The following LRRN1 variants were observed in gnomAD, a reference collection of about 807,000 sequenced individuals.
LRRN1 encodes leucine-rich repeat neuronal protein 1.
A neutral mutation model predicts 45.8 loss-of-function variants in LRRN1; 14 were observed. The observed-to-expected ratio is 0.31, with a 90% CI of 0.20 to 0.48. LRRN1 has a LOEUF of 0.48. Ranked by LOEUF, LRRN1 falls within the 20% of genes least tolerant of loss-of-function variation. LRRN1 has a pLI of 0.99. For synonymous variants in LRRN1, 359 were observed against 330.1 expected (o/e 1.09, Z -0.95); for missense variants, 789 against 874.2 (o/e 0.90, Z 1.23).
intron 1 of LRRN1, among the ~76,000 whole-genome samples, chr3:3,813,952 A>G (rs934317636): frequency 3.3e-5 from 5 of 151,942 alleles, no homozygotes; most frequent in Non-Finnish European, 1.5e-5. Flanking sequence ...TTGTTTTGAG[A>G]ACTGCTATCA....
rs1693764013 is a variant in LRRN1, at chr3:3,845,878, G to T, written c.1237G>T (p.Val413Phe). Reference protein sequence around the residue: ...PEYKGHQVKEVLIQDSSEQCL... With the variant: ...PEYKGHQVKEFLIQDSSEQCL... ...ATATAAAGGGCACCAGGTGAAGGAA[G>T]TTTTAATCCAGGATTCGAGTGAACA... Residue 413 changes from valine (V) to phenylalanine (F), a missense_variant, in exon 2 of 2, where the codon GTT (valine) becomes TTT (phenylalanine). Coordinates refer to ENST00000319331, the MANE Select transcript of LRRN1 (RefSeq NM_020873.7). This position sits in a 1 kb window ranked among gnomAD's most constrained non-coding sequence, Gnocchi z 6.5. The T allele has an allele frequency of 5.6e-6, 9 of 1,614,124 alleles. No homozygotes were observed. Among genetic ancestry groups the T allele is most frequent in the Non-Finnish European group, 6.8e-6 (8 of 1,180,012 alleles).
chr3:3,818,813 C>A (rs1273413189), intron 1 of LRRN1, among the ~76,000 whole-genome samples: 3 of 152,140 alleles, frequency 2.0e-5, no homozygotes, highest in African/African-American at 7.2e-5. Context: ...CTCTGTCTCC[C>A]TATCTGTAGG....
intron 1 of LRRN1, among the ~76,000 whole-genome samples, chr3:3,839,998 G>C (rs895622262): frequency 1.6e-4 from 24 of 152,080 alleles, no homozygotes; most frequent in African/African-American, 5.8e-4. Context: ...TGTGACTAGA[G>C]TTTCTAGTAC....
intron 1 of LRRN1, chr3:3,801,371 T>C (rs1341405743): frequency 6.6e-6 from 1 of 152,254 alleles, no homozygotes; most frequent in Non-Finnish European, 1.5e-5. Context: ...CATGTTTTGT[T>C]TTGTCTTGCC....
At chr3:3,835,493 G>A (rs1374979151) in intron 1 of LRRN1, among the ~76,000 whole-genome samples, 1 of 151,880 alleles carries the variant, frequency 6.6e-6, no homozygotes, top group Non-Finnish European at 1.5e-5. Flanking sequence ...TGCACAAAGT[G>A]ACACATCTAG....
At chr3:3,803,322 G>A (rs941267240) in intron 1 of LRRN1, among the ~76,000 whole-genome samples, 5 of 152,172 alleles carry the variant, frequency 3.3e-5, no homozygotes, top group African/African-American at 1.2e-4. Flanking sequence ...AATCAGAATG[G>A]TGGGCTTTTT....
chr3:3,801,637 C>G (rs893799991), intron 1 of LRRN1, among the ~76,000 whole-genome samples: 3 of 152,124 alleles, frequency 2.0e-5, no homozygotes, highest in Admixed American at 6.5e-5. Flanking sequence ...AACAATAGAC[C>G]TTAAGAAAAG....
intron 1 of LRRN1, among the ~76,000 whole-genome samples, chr3:3,803,467 ATTCATT>A (rs1316995900): frequency 6.6e-6 from 1 of 152,190 alleles, no homozygotes; most frequent in East Asian, 1.9e-4. Flanking sequence ...TCCCCGAATG[ATTCATT>A]TCAGCACTAA....
At chr3:3,812,974 T>C (rs568683614) in intron 1 of LRRN1, among the ~76,000 whole-genome samples, 94 of 152,336 alleles carry the variant, frequency 6.2e-4, no homozygotes, top group African/African-American at 2.2e-3. Flanking sequence ...TACTACACTT[T>C]CCTTTCATTG....
Position 3,804,189 on chromosome 3 carries a change from A to G in LRRN1, c.-279+4270A>G, listed in dbSNP as rs1010615623. Reference sequence around the variant, plus strand: ...CAGTTGATTGGTTGGTTAGCAAGCTATTATCCAGTCGTAGCTGGATGATCT... The same window carrying G: ...CAGTTGATTGGTTGGTTAGCAAGCTGTTATCCAGTCGTAGCTGGATGATCT... On this transcript the variant is annotated intron_variant, in intron 1 of 1. Transcript: ENST00000319331. 4 of 152,242 alleles carry G rather than the reference A, an allele frequency of 2.6e-5. No individual in the cohort carries two copies. In the South Asian group the frequency reaches 6.2e-4, roughly 24 times the overall value. The allele number at this position is 152,242 out of a possible 1,614,324, so 9.4% of individuals were successfully genotyped here. A position where few individuals can be genotyped will look rare whatever the true frequency, so the allele number is the denominator to read the frequency against.
chr3:3,845,213 C>T lies in LRRN1; in HGVS notation c.572C>T (p.Pro191Leu). ...VIDSRWFDST[P>L]NLEILMIGEN... ...GATAGTCGCTGGTTTGATTCTACAC[C>T]CAACCTGGAAATTCTCATGATCGGA... is the stretch of plus-strand genomic sequence containing the variant. The change falls in exon 2 of 2, where the codon CCC (proline) becomes CTC (leucine). Residue 191 changes from proline to leucine, a missense_variant. Pro to Leu is a moderately conservative substitution (Grantham distance 98). Coordinates refer to ENST00000319331, the MANE Select transcript of LRRN1 (RefSeq NM_020873.7). This position sits in a 1 kb window ranked among gnomAD's most constrained non-coding sequence, Gnocchi z 6.5. 6.2e-7 allele frequency: 1 copy of T among 1,614,128 alleles called. No homozygotes were observed.
chr3:3,837,081 C>A (rs759978417), intron 1 of LRRN1, among the ~76,000 whole-genome samples: 15 of 152,154 alleles, frequency 9.9e-5, no homozygotes, highest in Non-Finnish European at 2.1e-4. Context: ...ACTTTCCTTT[C>A]ACTTTCTCTG....
chr3:3,833,785 G>C (rs530751494), intron 1 of LRRN1, among the ~76,000 whole-genome samples: 3 of 152,274 alleles, frequency 2.0e-5, no homozygotes, highest in African/African-American at 7.2e-5. Flanking sequence ...TTGGGGAGGG[G>C]ATGTTGCCAC....
chr3:3,823,928 A>T (rs2106459763), intron 1 of LRRN1, among the ~76,000 whole-genome samples: 1 of 152,324 alleles, frequency 6.6e-6, no homozygotes, highest in Middle Eastern at 3.4e-3. Flanking sequence ...CCCTAGTTTC[A>T]GCCCAGCCTC....
rs1413506435 is a variant in LRRN1, at chr3:3,816,958, T to C, written c.-279+17039T>C. 6.6e-6 allele frequency among the ~76,000 whole-genome samples: 1 copy of C among 151,990 alleles called. No homozygotes were observed. Among genetic ancestry groups the C allele is most frequent in the Non-Finnish European group, 1.5e-5 (1 of 67,952 alleles). Reference sequence around the variant, plus strand: ...AAAGAGAATGAATAGGATGGGTGATTGATTGATTGATTGATAAGATAGATA... The same window carrying C: ...AAAGAGAATGAATAGGATGGGTGATCGATTGATTGATTGATAAGATAGATA... On this transcript the variant is annotated intron_variant, in intron 1 of 1. Transcript: ENST00000319331. This position sits in a 1 kb window ranked among gnomAD's most constrained non-coding sequence, Gnocchi z 4.0.
intron 1 of LRRN1, among the ~76,000 whole-genome samples, chr3:3,832,643 C>T (rs1468822949): frequency 6.6e-6 from 1 of 152,184 alleles, no homozygotes; most frequent in Non-Finnish European, 1.5e-5. Flanking sequence ...GAAAGATTCA[C>T]TGCATAAATT....
rs901223221 is a variant in LRRN1 at position 3,848,903 on chromosome 3, G to T, written c.*2111G>T. Among the ~76,000 whole-genome samples, 1 of 152,196 alleles carries T rather than the reference G, an allele frequency of 6.6e-6. No homozygotes were observed. Among genetic ancestry groups the T allele is most frequent in the Admixed American group, 6.5e-5 (1 of 15,284 alleles). ...CATCCTCAAGTTCCCATTTACTCAG[G>T]ATACATTTTAGCACAGGGCAGATCA... On this transcript the variant is annotated 3_prime_UTR_variant, in exon 2 of 2. Transcript: ENST00000319331.
At chr3:3,843,576 C>G (rs187259860) in intron 1 of LRRN1, among the ~76,000 whole-genome samples, 8 of 151,552 alleles carry the variant, frequency 5.3e-5, no homozygotes, top group Non-Finnish European at 7.4e-5. Context: ...TGTACCCCCC[C>G]CCATACCCCT....
At position 3,844,803 on chromosome 3, in the gene LRRN1, C is replaced by G. The variant is rs747033971; in HGVS notation, c.162C>G (p.Thr54=). ...FTPQSTYREA[T]TVDCNDLRLT... is the part of the protein sequence containing the mutation. ...CACAGTCAACTTACAGAGAAGCCAC[C>G]ACTGTTGATTGCAATGACCTCCGCT... The change falls in exon 2 of 2, where the codon ACC becomes ACG. Residue 54 remains threonine (T), a synonymous_variant. Coordinates refer to ENST00000319331, the MANE Select transcript of LRRN1 (RefSeq NM_020873.7). 3.7e-6 allele frequency: 6 copies of G among 1,614,032 alleles called. No individual in the cohort carries two copies. Among genetic ancestry groups the G allele is most frequent in the East Asian group, 2.2e-5 (1 of 44,892 alleles).
Sources: allele counts gnomAD v4.1 joint callset (sites outside exome capture counted in the v4.1 genomes callset), GRCh38; gene constraint gnomAD v4.1.1; non-coding constraint Gnocchi (gnomAD v3.1); transcripts MANE v1.5; gene names NCBI Gene and HGNC (gene_info 2026-07-23, HGNC 2026-07-21).